MAF: variants seen among roughly 807,000 people sequenced by gnomAD.
MAF encodes the protein MAF bZIP transcription factor.
A neutral mutation model predicts 22.0 loss-of-function variants in MAF; 10 were observed. The observed-to-expected ratio is 0.45, with a 90% confidence interval of 0.28 to 0.77. MAF has a LOEUF of 0.77. Among genes scored for constraint, MAF ranks in the 30% least tolerant of loss-of-function variants. The pLI, the probability that MAF is intolerant of heterozygous loss-of-function variation, is 0.12. For missense variants in MAF, 544 were observed against 548.4 expected, an observed-to-expected ratio of 0.99 and a Z score of 0.08; for synonymous variants, 337 against 255.8, an observed-to-expected ratio of 1.32 and a Z score of -3.03.
At chr16:79,397,887 C>T in the MAF span, among the ~76,000 whole-genome samples, 43 of 152,278 alleles carry the variant, frequency 2.8e-4, no homozygotes, top group African/African-American at 1.0e-3. Flanking sequence ...ACCAAGGTGA[C>T]CAATAGGCCT....
At chr16:79,244,472 A>T in the MAF span, among the ~76,000 whole-genome samples, 10 of 152,136 alleles carry the variant, frequency 6.6e-5, no homozygotes, top group African/African-American at 2.2e-4. Flanking sequence ...CACAATTATT[A>T]CAAAGAGAAT....
chr16:79,579,128 C>T, the MAF span, among the ~76,000 whole-genome samples: 2 of 152,124 alleles, frequency 1.3e-5, no homozygotes, highest in Non-Finnish European at 2.9e-5. Flanking sequence ...CTAAGGAGCC[C>T]TATAGCTTAC....
chr16:79,447,869 G>A, the MAF span, among the ~76,000 whole-genome samples: 3 of 112,516 alleles, frequency 2.7e-5, no homozygotes, highest in South Asian at 3.0e-4. Context: ...TGTACTCTAC[G>A]AGACAGAGCG....
the MAF span, among the ~76,000 whole-genome samples, chr16:79,365,323 T>C: frequency 1.3e-5 from 2 of 152,192 alleles, no homozygotes; most frequent in Admixed American, 1.3e-4. Flanking sequence ...GCAGCTGTAG[T>C]TTCACATTTC....
chr16:79,360,897 T>A, the MAF span, among the ~76,000 whole-genome samples: 1 of 152,136 alleles, frequency 6.6e-6, no homozygotes, highest in Non-Finnish European at 1.5e-5. Flanking sequence ...TGTGAACATC[T>A]CTTTCTAACT....
At chr16:79,293,906 G>C in the MAF span, among the ~76,000 whole-genome samples, 1 of 152,114 alleles carries the variant, frequency 6.6e-6, no homozygotes, top group Admixed American at 6.6e-5. Context: ...CTCTATCTGA[G>C]AATGTGATCA....
At chr16:79,343,917 C>T in the MAF span, among the ~76,000 whole-genome samples, 2 of 152,152 alleles carry the variant, frequency 1.3e-5, no homozygotes, top group Admixed American at 1.3e-4. Context: ...ACTGGACTTC[C>T]TAGGTGAAAT....
chr16:79,470,742 G>A, the MAF span, among the ~76,000 whole-genome samples: 1 of 152,118 alleles, frequency 6.6e-6, no homozygotes, highest in Admixed American at 6.5e-5. Flanking sequence ...ACGATGCTGG[G>A]GCCATAGAAG....
the MAF span, among the ~76,000 whole-genome samples, chr16:79,358,793 C>T: frequency 6.6e-6 from 1 of 152,176 alleles, no homozygotes; most frequent in South Asian, 2.1e-4. Flanking sequence ...TCTCCCACCT[C>T]ATTCTCTCAG....
At chr16:79,384,067 C>T in the MAF span, among the ~76,000 whole-genome samples, 5 of 152,108 alleles carry the variant, frequency 3.3e-5, no homozygotes, top group African/African-American at 7.2e-5. Context: ...GCTGAGGGGG[C>T]TCCTCCTGAG....
chr16:79,215,412 T>G, the MAF span, among the ~76,000 whole-genome samples: 1 of 152,196 alleles, frequency 6.6e-6, no homozygotes, highest in African/African-American at 2.4e-5. Context: ...TTTATGGGTC[T>G]GACTCTAGTT....
the MAF span, among the ~76,000 whole-genome samples, chr16:79,218,177 T>C: frequency 6.6e-6 from 1 of 152,072 alleles, no homozygotes; most frequent in Non-Finnish European, 1.5e-5. Flanking sequence ...TCTATAGATG[T>C]TATGTTATTG....
the MAF span, among the ~76,000 whole-genome samples, chr16:79,531,286 C>T: frequency 6.6e-6 from 1 of 152,106 alleles, no homozygotes; most frequent in African/African-American, 2.4e-5. Flanking sequence ...CTCTGCATCT[C>T]ATCTCTCTAA....
Position 79,599,703 on chromosome 16 carries a change from A to C in MAF, c.200T>G (p.Val67Gly). Reference protein sequence around the residue: ...STPMSTPCSSVPPSPSFSAPS... With the variant: ...STPMSTPCSSGPPSPSFSAPS... The stretch of plus-strand genomic sequence containing the variant: ...CGCCGAGAAGCTGGGGGAAGGGGGC[A>C]CCGAGCTGCACGGCGTGCTCATGGG... The change falls in exon 1 of 2, where the codon GTG becomes GGG. Residue 67 changes from valine (V) to glycine (G), a missense_variant. Around this residue, in one of 5 missense-constraint regions of MAF, gnomAD observed 342 missense variants for 315.5 expected, o/e 1.08. Transcript: ENST00000326043. The C allele has an allele frequency of 6.2e-7, 1 of 1,612,332 alleles. No individual in the cohort carries two copies. Among genetic ancestry groups the C allele is most frequent in the Non-Finnish European group, 8.5e-7 (1 of 1,179,728 alleles).
chr16:79,436,462 C>A, the MAF span, among the ~76,000 whole-genome samples: 19 of 152,176 alleles, frequency 1.2e-4, no homozygotes, highest in Non-Finnish European at 2.1e-4. Flanking sequence ...TGTGCGTTAA[C>A]GCTTCTCAAA....
the MAF span, among the ~76,000 whole-genome samples, chr16:79,269,649 T>G: frequency 6.2e-4 from 95 of 152,222 alleles, no homozygotes; most frequent in Non-Finnish European, 1.1e-3. Context: ...AGGAGCAGAA[T>G]GATAATTATT....
At chr16:79,219,644 G>C in the MAF span, among the ~76,000 whole-genome samples, 1 of 151,466 alleles carries the variant, frequency 6.6e-6, no homozygotes, top group Non-Finnish European at 1.5e-5. Flanking sequence ...TTGAATCGTG[G>C]GGTCACCACT....
chr16:79,393,450 C>A, the MAF span, among the ~76,000 whole-genome samples: 5 of 152,216 alleles, frequency 3.3e-5, no homozygotes, highest in Non-Finnish European at 7.3e-5. Flanking sequence ...GAATTAGGAC[C>A]TTCTTTCTGA....
the MAF span, among the ~76,000 whole-genome samples, chr16:79,437,331 A>G: frequency 6.6e-6 from 1 of 152,144 alleles, no homozygotes; most frequent in Admixed American, 6.5e-5. Flanking sequence ...CCCGTGTAAA[A>G]CGGGAACATG....
Sources: gnomAD v4.1 joint callset for allele counts (sites outside exome capture counted in the v4.1 genomes callset) on GRCh38, gnomAD v4.1.1 for gene constraint, gnomAD v4.1.1 regional missense constraint, MANE v1.5 for transcripts, NCBI Gene and HGNC (gene_info 2026-07-23, HGNC 2026-07-21) for gene names.